Variants in LDLRAD3 observed in about 807,000 individuals in gnomAD.
The protein encoded by LDLRAD3 is low density lipoprotein receptor class A domain containing 3.
In LDLRAD3, 20 loss-of-function variants were observed where a neutral mutation model predicts 29.4. That is an observed-to-expected ratio of 0.68 (90% CI 0.48 to 0.99). The LOEUF (loss-of-function observed/expected upper bound fraction) is 0.99. LDLRAD3 is among the 50% of genes least tolerant of loss of function. The pLI is 0.00. For synonymous variants in LDLRAD3, 157 were observed against 192.7 expected (o/e 0.81, Z 1.53); for missense variants, 420 against 454.3 (o/e 0.92, Z 0.69).
chr11:36,158,396 G>A (rs907893311), intron 4 of LDLRAD3, among the ~76,000 whole-genome samples: 1 of 152,002 alleles, frequency 6.6e-6, no homozygotes, highest in Non-Finnish European at 1.5e-5. Context: ...ATACCCAAGG[G>A]TCCACCTTCA....
At chr11:36,173,941 T>G (rs557691792) in intron 4 of LDLRAD3, among the ~76,000 whole-genome samples, 1 of 152,312 alleles carries the variant, frequency 6.6e-6, no homozygotes, top group East Asian at 1.9e-4. Context: ...GCTGGAGGCA[T>G]CATGCTGCCT....
chr11:36,063,181 T>C (rs184719263), intron 2 of LDLRAD3, among the ~76,000 whole-genome samples: 1 of 152,298 alleles, frequency 6.6e-6, no homozygotes, highest in East Asian at 1.9e-4. Context: ...CATCCCCCAG[T>C]ATTGCCTAAC....
At chr11:36,039,727 C>G (rs1590220796) in intron 2 of LDLRAD3, among the ~76,000 whole-genome samples, 1 of 152,336 alleles carries the variant, frequency 6.6e-6, no homozygotes, top group East Asian at 1.9e-4. Flanking sequence ...GGGAGGCTGC[C>G]TAATGCTCTG....
rs946833313 is a variant in LDLRAD3 at position 36,160,512 on chromosome 11, T to A, written c.454+62051T>A. Among the ~76,000 whole-genome samples the A allele has an allele frequency of 1.8e-4, 28 of 152,262 alleles. 2 individuals carry two copies. The highest frequency in any genetic ancestry group is 1.7e-3 in the South Asian group (8 of 4,800). ...CTTGCAGCAAAAAATAAAATATGGT[T>A]CCTGGGAGTTTATCTTTCTTTTAAT... On this transcript the variant is annotated intron_variant, in intron 4 of 5. Coordinates refer to ENST00000315571, the MANE Select transcript of LDLRAD3 (RefSeq NM_174902.4).
At chr11:36,117,751 T>A (rs1853694919) in intron 4 of LDLRAD3, among the ~76,000 whole-genome samples, 1 of 152,242 alleles carries the variant, frequency 6.6e-6, no homozygotes, top group Non-Finnish European at 1.5e-5. Context: ...GTGTCAGTGA[T>A]GGCCTTGATG....
intron 1 of LDLRAD3, among the ~76,000 whole-genome samples, chr11:35,953,512 A>G (rs1011815404): frequency 2.0e-5 from 3 of 152,212 alleles, no homozygotes; most frequent in Admixed American, 6.5e-5. Flanking sequence ...AGCGAATGTC[A>G]GAAGTGTGTC....
In LDLRAD3 at chr11:35,947,999, G is replaced by A. The variant is rs1053680860; in HGVS notation, c.46+3855G>A. ...ACATAAAATACATCTCAATCCTTAT[G>A]TGAAGATGAAACTTTTTCAGACTAA... On this transcript the variant is annotated intron_variant, in intron 1 of 5. Transcript: ENST00000315571. Among the ~76,000 whole-genome samples the A allele has an allele frequency of 2.0e-5, 3 of 152,168 alleles. 1 individual carries two copies. The highest frequency in any genetic ancestry group is 2.0e-4 in the Admixed American group (3 of 15,276).
intron 1 of LDLRAD3, among the ~76,000 whole-genome samples, chr11:36,026,743 C>T (rs1019629853): frequency 1.3e-5 from 2 of 152,184 alleles, no homozygotes; most frequent in African/African-American, 4.8e-5. Context: ...CCACAAGTGC[C>T]ATAACAGTTT....
At chr11:36,173,564 A>C (rs924067431) in intron 4 of LDLRAD3, among the ~76,000 whole-genome samples, 4 of 151,756 alleles carry the variant, frequency 2.6e-5, no homozygotes, top group African/African-American at 9.7e-5. Context: ...TATATGCCAC[A>C]TTTTCTTAAT....
At chr11:36,119,746 T>C (rs1417590682) in intron 4 of LDLRAD3, among the ~76,000 whole-genome samples, 2 of 152,224 alleles carry the variant, frequency 1.3e-5, no homozygotes, top group Admixed American at 6.5e-5. Context: ...CTTTATCAGA[T>C]ACACGATTTG....
chr11:36,121,135 G>A (rs998491992), intron 4 of LDLRAD3, among the ~76,000 whole-genome samples: 5 of 152,122 alleles, frequency 3.3e-5, no homozygotes, highest in Admixed American at 2.6e-4. Flanking sequence ...ATAACCATTC[G>A]TTGAATATGC....
At chr11:35,995,418 A>G (rs1227580108) in intron 1 of LDLRAD3, among the ~76,000 whole-genome samples, 1 of 152,244 alleles carries the variant, frequency 6.6e-6, no homozygotes, top group Non-Finnish European at 1.5e-5. Context: ...CATGCTATAA[A>G]CAGATGCACT....
At chr11:35,961,988 G>A (rs1031440922) in intron 1 of LDLRAD3, among the ~76,000 whole-genome samples, 4 of 152,088 alleles carry the variant, frequency 2.6e-5, no homozygotes, top group Non-Finnish European at 4.4e-5. Flanking sequence ...TCTTAAAACC[G>A]AGATGAGGAC....
intron 2 of LDLRAD3, among the ~76,000 whole-genome samples, chr11:36,066,255 ACT>A (rs1852791850): frequency 1.3e-5 from 2 of 149,648 alleles, no homozygotes; most frequent in South Asian, 4.2e-4. Flanking sequence ...TTACTGAAAG[ACT>A]CTTTTTTTAG....
chr11:36,041,345 G>T (rs1187419092), intron 2 of LDLRAD3, among the ~76,000 whole-genome samples: 1 of 152,186 alleles, frequency 6.6e-6, no homozygotes, highest in Non-Finnish European at 1.5e-5. Context: ...ATTACATGGA[G>T]CTTGCCTGTT....
At position 36,227,119 on chromosome 11, in the gene LDLRAD3, G is replaced by T; in HGVS notation, c.489G>T (p.Glu163Asp). ...PGSGQVFVTS[E>D]NQLVYYPSIT... The stretch of plus-strand genomic sequence containing the variant: ...GTGGGCAGGTGTTTGTGACTTCAGA[G>T]AACCAACTTGTGTATTACCCCAGCA... The change falls in exon 5 of 6, where the codon GAG (glutamate) becomes GAT (aspartate). Residue 163 changes from glutamate (E) to aspartate (D), a missense_variant. By Grantham distance (45) the Glu-to-Asp change is conservative. Coordinates refer to ENST00000315571, the MANE Select transcript of LDLRAD3 (RefSeq NM_174902.4). 1 of 1,607,996 alleles carries T rather than the reference G, an allele frequency of 6.2e-7. No individual in the cohort carries two copies. The highest frequency in any genetic ancestry group is 1.1e-5 in the South Asian group (1 of 90,580).
chr11:36,097,838 T>TG (rs1304844053), intron 3 of LDLRAD3, among the ~76,000 whole-genome samples: 2 of 148,422 alleles, frequency 1.3e-5, no homozygotes, highest in East Asian at 3.9e-4. Flanking sequence ...AAAACAAAAA[T>TG]GGAAAAAAAA....
intron 2 of LDLRAD3, among the ~76,000 whole-genome samples, chr11:36,048,775 A>C (rs1852488968): frequency 6.6e-6 from 1 of 152,184 alleles, no homozygotes; most frequent in African/African-American, 2.4e-5. Flanking sequence ...CTCCTAGGTG[A>C]TAGCAGCTGT....
At chr11:36,164,595 GTC>G (rs1366107306) in intron 4 of LDLRAD3, among the ~76,000 whole-genome samples, 1 of 152,262 alleles carries the variant, frequency 6.6e-6, no homozygotes, top group Non-Finnish European at 1.5e-5. Flanking sequence ...CCATCCGTGT[GTC>G]TGTTCTTCAG....
Sources: allele counts gnomAD v4.1 joint callset (sites outside exome capture counted in the v4.1 genomes callset), GRCh38; gene constraint gnomAD v4.1.1; transcripts MANE v1.5; gene names NCBI Gene and HGNC (gene_info 2026-07-23, HGNC 2026-07-21).